PCNX1: variants seen among roughly 807,000 people sequenced by gnomAD.
PCNX1 encodes pecanex-like protein 1.
A neutral mutation model predicts 242.2 loss-of-function variants in PCNX1; 78 were observed. The ratio of observed to expected loss-of-function variants is 0.32; its 90% CI spans 0.27 to 0.39. PCNX1 has a LOEUF of 0.39. PCNX1 is among the 10% of genes least tolerant of loss of function. The pLI is 1.00. For missense variants in PCNX1, 2,581 were observed against 2,856.5 expected (o/e 0.90, Z 2.20); for synonymous variants, 1,024 against 1,032.9 (o/e 0.99, Z 0.17).
intron 28 of PCNX1, among the ~76,000 whole-genome samples, chr14:71,081,413 C>T (rs564919682): frequency 6.6e-6 from 1 of 152,076 alleles, no homozygotes; most frequent in South Asian, 2.1e-4. Flanking sequence ...CCCTCTTTTT[C>T]TGTTGTTTGG....
chr14:71,103,593 G>C lies in PCNX1; in HGVS notation c.6019G>C (p.Glu2007Gln), dbSNP rs375849394. ...PLTTSYSDSHEQLKDILGGPI... is the reference protein window; with the variant it reads ...PLTTSYSDSHQQLKDILGGPI... ...GACAACTTCTTACTCTGACAGCCACGAACAGCTTAAAGACATTCTTGGGGG... is the reference window on the plus strand; with the variant it reads ...GACAACTTCTTACTCTGACAGCCACCAACAGCTTAAAGACATTCTTGGGGG... Residue 2007 changes from glutamate (E) to glutamine (Q), a missense_variant, in exon 32 of 36, where the codon GAA becomes CAA. Around this residue, in one of 9 missense-constraint regions of PCNX1, gnomAD observed 432 missense variants for 433.6 expected, o/e 1.00. Coordinates refer to ENST00000304743, the MANE Select transcript of PCNX1 (RefSeq NM_014982.3). The C allele has an allele frequency of 6.2e-7, 1 of 1,614,056 alleles. No individual in the cohort carries two copies. The highest frequency in any genetic ancestry group is 8.5e-7 in the Non-Finnish European group (1 of 1,179,972).
intron 30 of PCNX1, among the ~76,000 whole-genome samples, chr14:71,098,606 C>T (rs1324407171): frequency 2.7e-5 from 4 of 148,808 alleles, no homozygotes; most frequent in South Asian, 2.1e-4. Context: ...ATTTGGTTTT[C>T]GGCTTGAATA....
chr14:71,015,851 A>G (rs1292853706), intron 11 of PCNX1, among the ~76,000 whole-genome samples: 3 of 152,142 alleles, frequency 2.0e-5, no homozygotes, highest in African/African-American at 7.2e-5. Flanking sequence ...GATTAGATAA[A>G]AAAGAACAAC....
In PCNX1 at chr14:71,047,790, T is replaced by G; in HGVS notation, c.4161-17T>G. ...GTTTTCAGTCATGAGTTGATTTGTG[T>G]TTTCTTTGTGCCACAGATTAGGTGC... On this transcript the variant is annotated splice_polypyrimidine_tract_variant and intron_variant, in intron 21 of 35. Transcript: ENST00000304743. The G allele has an allele frequency of 6.3e-7, 1 of 1,588,498 alleles. No individual in the cohort carries two copies.
At chr14:70,982,119 C>T (rs2058857475) in intron 6 of PCNX1, among the ~76,000 whole-genome samples, 1 of 152,148 alleles carries the variant, frequency 6.6e-6, no homozygotes, top group African/African-American at 2.4e-5. Flanking sequence ...GTGCTATACA[C>T]ATAAATTGAA....
Position 70,977,744 on chromosome 14 carries a change from C to T in PCNX1, c.1407C>T (p.Asp469=), listed in dbSNP as rs764483543. ...ACAGTGGGGTTCACGAGGCCAAGGA[C>T]CCCACCCCCTCTGATGAGATGCACA... is the stretch of plus-strand genomic sequence containing the variant. ...STNSGVHEAK[D]PTPSDEMHNQ... The change falls in exon 6 of 36, where the codon GAC becomes GAT. Residue 469 remains aspartate (D), a synonymous_variant. Transcript: ENST00000304743. 8.7e-6 allele frequency: 14 copies of T among 1,613,976 alleles called. No individual in the cohort carries two copies. Among genetic ancestry groups the T allele is most frequent in the Non-Finnish European group, 8.5e-7 (1 of 1,180,020 alleles).
At chr14:70,962,121 C>A (rs572992580) in intron 2 of PCNX1, 105 bp from the exon 3 acceptor site, 152 of 707,680 alleles carry the variant, frequency 2.1e-4, no homozygotes, top group South Asian at 1.7e-3. Flanking sequence ...AAAATCAGAA[C>A]CTCTTAGTTT....
intron 1 of PCNX1, among the ~76,000 whole-genome samples, chr14:70,932,775 G>T (rs1738396794): frequency 2.0e-5 from 3 of 151,886 alleles, no homozygotes. Context: ...ACCATGCCCG[G>T]CTAATTTTGT....
intron 1 of PCNX1, among the ~76,000 whole-genome samples, chr14:70,929,070 C>T (rs1006149891): frequency 9.2e-5 from 14 of 152,096 alleles, no homozygotes; most frequent in African/African-American, 4.8e-5. Context: ...TCTTTGTTAC[C>T]TTCATTTTTG....
intron 7 of PCNX1, among the ~76,000 whole-genome samples, chr14:70,990,711 T>G (rs1027269597): frequency 2.0e-5 from 3 of 152,186 alleles, no homozygotes; most frequent in African/African-American, 7.2e-5. Context: ...CAGAAACACT[T>G]GTTCTAGAAA....
chr14:71,018,756 A>T (rs2060021301), intron 11 of PCNX1, among the ~76,000 whole-genome samples: 1 of 152,204 alleles, frequency 6.6e-6, no homozygotes, highest in Admixed American at 6.5e-5. Flanking sequence ...TAAAATAGAA[A>T]TTTAAAACTA....
At chr14:70,923,225 T>C (rs2056447564) in intron 1 of PCNX1, among the ~76,000 whole-genome samples, 1 of 152,136 alleles carries the variant, frequency 6.6e-6, no homozygotes, top group Non-Finnish European at 1.5e-5. Context: ...TTATTAAAGA[T>C]TTCCCCTATT....
At chr14:70,973,533 A>G (rs1223149495) in intron 5 of PCNX1, among the ~76,000 whole-genome samples, 3 of 152,010 alleles carry the variant, frequency 2.0e-5, no homozygotes, top group Non-Finnish European at 2.9e-5. Context: ...GAATTGGAAT[A>G]CAAAGAGAAT....
chr14:71,095,416 C>T (rs1266942252), intron 30 of PCNX1, among the ~76,000 whole-genome samples: 1 of 152,164 alleles, frequency 6.6e-6, no homozygotes, highest in Non-Finnish European at 1.5e-5. Context: ...TGTAGCATCT[C>T]AAGTATATTT....
At chr14:71,036,209 C>T in intron 19 of PCNX1, 52 bp downstream of exon 19, 2 of 1,140,962 alleles carry the variant, frequency 1.8e-6, no homozygotes, top group Non-Finnish European at 2.7e-6. Context: ...GACAGGGTCT[C>T]ACTCTGTCAC....
intron 1 of PCNX1, among the ~76,000 whole-genome samples, chr14:70,930,565 A>T (rs570241241): frequency 6.6e-5 from 10 of 152,294 alleles, no homozygotes; most frequent in African/African-American, 9.6e-5. Flanking sequence ...ACAGATTTTT[A>T]AAAAAGATAA....
intron 6 of PCNX1, among the ~76,000 whole-genome samples, chr14:70,981,171 G>A (rs955862170): frequency 6.6e-6 from 1 of 152,120 alleles, no homozygotes; most frequent in South Asian, 2.1e-4. Context: ...TAGGGTTGTT[G>A]TGAGGACTAA....
intron 30 of PCNX1, among the ~76,000 whole-genome samples, chr14:71,090,120 GA>G (rs1160374519): frequency 6.6e-6 from 1 of 152,204 alleles, no homozygotes; most frequent in Non-Finnish European, 1.5e-5. Context: ...TGCTGTTACT[GA>G]ATGATGAATT....
chr14:71,070,036 C>G (rs998639354), intron 26 of PCNX1, among the ~76,000 whole-genome samples: 3 of 152,232 alleles, frequency 2.0e-5, no homozygotes, highest in Admixed American at 6.5e-5. Flanking sequence ...TATTATAAAT[C>G]CTTTGTTGTC....
Sources: allele counts gnomAD v4.1 joint callset (sites outside exome capture counted in the v4.1 genomes callset), GRCh38; gene constraint gnomAD v4.1.1; regional missense constraint gnomAD v4.1.1; transcripts MANE v1.5; gene names NCBI Gene and HGNC (gene_info 2026-07-23, HGNC 2026-07-21).